The following TAB2 variants were observed in gnomAD, a reference collection of about 807,000 sequenced individuals.
The protein encoded by TAB2 is TGF-beta activated kinase 1 (MAP3K7) binding protein 2, also known as TGF-beta-activated kinase 1 and MAP3K7-binding protein 2.
A neutral mutation model predicts 65.0 loss-of-function variants in TAB2; 3 were observed. The observed-to-expected ratio is 0.05, with a 90% CI of 0.02 to 0.12. TAB2 has a LOEUF of 0.12. TAB2 is among the 10% of genes least tolerant of loss of function. The pLI is 1.00. For missense variants in TAB2, 623 were observed against 840.3 expected (o/e 0.74, Z 3.20); for synonymous variants, 298 against 285.1 (o/e 1.05, Z -0.46).
In TAB2 at chr6:149,381,750, T is replaced by G. The variant is rs1269618854; in HGVS notation, c.1603+2232T>G. On this transcript the variant is annotated intron_variant, in intron 3 of 6. Transcript: ENST00000637181. ...ACCACATCCAGCTAACTTTTTGTAT[T>G]TTTTTGCAGACAGGGTCTCCCTATG... 7.9e-5 allele frequency among the ~76,000 whole-genome samples: 12 copies of G among 151,852 alleles called. No homozygotes were observed. The South Asian group carries it at 2.5e-3, about 32-fold the overall frequency.
intron 3 of TAB2, among the ~76,000 whole-genome samples, chr6:149,380,596 T>G (rs1044643294): frequency 5.3e-5 from 8 of 152,170 alleles, no homozygotes; most frequent in Non-Finnish European, 7.4e-5. Flanking sequence ...ATAAATACAT[T>G]TAGATAAGAA....
chr6:149,400,640 A>G, intron 6 of TAB2: 1 of 1,614,204 alleles, frequency 6.2e-7, no homozygotes, highest in Non-Finnish European at 8.5e-7. Flanking sequence ...ATGAAGATAC[A>G]ATTGATGTGT....
At chr6:149,238,224 C>G (rs1777535697) in intron 1 of TAB2, among the ~76,000 whole-genome samples, 1 of 152,184 alleles carries the variant, frequency 6.6e-6, no homozygotes, top group Non-Finnish European at 1.5e-5. Context: ...AACTAAGAAC[C>G]AGGAAACTCC....
Position 149,323,319 on chromosome 6 carries a change from C to T in TAB2, c.-90+5304C>T, listed in dbSNP as rs560363515. On this transcript the variant is annotated intron_variant, in intron 1 of 6. Transcript: ENST00000637181. ...TGTAGCTAGATTAGTCTTCATTAAC[C>T]TATTTCTATGATGTTATTGGCATCA... 1.5e-4 allele frequency among the ~76,000 whole-genome samples: 23 copies of T among 152,154 alleles called. No individual in the cohort carries two copies. The East Asian group carries it at 3.3e-3, about 22-fold the overall frequency.
chr6:149,219,001 A>G (rs915674989), intron 1 of TAB2, among the ~76,000 whole-genome samples: 2 of 152,234 alleles, frequency 1.3e-5, no homozygotes, highest in African/African-American at 2.4e-5. Flanking sequence ...AGCTGTGTCC[A>G]GGAAACTTGT....
intron 1 of TAB2, among the ~76,000 whole-genome samples, chr6:149,292,285 C>T (rs530208762): frequency 6.6e-6 from 1 of 152,270 alleles, no homozygotes; most frequent in Admixed American, 6.5e-5. Flanking sequence ...AAAACTGACT[C>T]CCCTCATTTT....
intron 3 of TAB2, among the ~76,000 whole-genome samples, chr6:149,388,151 A>G (rs1464885862): frequency 2.0e-5 from 3 of 152,204 alleles, no homozygotes; most frequent in African/African-American, 2.4e-5. Flanking sequence ...TCTAGCTCAC[A>G]TTTCCTGTCC....
intron 3 of TAB2, among the ~76,000 whole-genome samples, chr6:149,381,527 A>G (rs1241577660): frequency 6.6e-6 from 1 of 151,840 alleles, no homozygotes; most frequent in Non-Finnish European, 1.5e-5. Flanking sequence ...ATGTGAAAAT[A>G]AAGTGTTTCT....
intron 6 of TAB2, among the ~76,000 whole-genome samples, chr6:149,402,040 CA>C (rs1425568733): frequency 7.1e-6 from 1 of 141,630 alleles, no homozygotes; most frequent in Admixed American, 7.2e-5. Context: ...CTCAGGGAAC[CA>C]GTAGAAGAAC....
intron 1 of TAB2, chr6:149,244,886 A>C (rs1181046797): frequency 1.3e-5 from 2 of 152,126 alleles, no homozygotes; most frequent in African/African-American, 2.4e-5. Context: ...TCATCTCAAA[A>C]AAAAAAAAAC....
At chr6:149,228,207 C>A (rs538845183) in intron 1 of TAB2, among the ~76,000 whole-genome samples, 3 of 152,092 alleles carry the variant, frequency 2.0e-5, no homozygotes, top group Admixed American at 6.5e-5. Flanking sequence ...CCATTTCTCC[C>A]GCATTTACAA....
intron 3 of TAB2, among the ~76,000 whole-genome samples, chr6:149,389,907 C>T (rs954148721): frequency 6.6e-6 from 1 of 152,188 alleles, no homozygotes; most frequent in Non-Finnish European, 1.5e-5. Flanking sequence ...TAAAATTCAT[C>T]TCTTAGTAGG....
At chr6:149,305,162 G>A (rs1187527548) in intron 1 of TAB2, among the ~76,000 whole-genome samples, 4 of 152,076 alleles carry the variant, frequency 2.6e-5, no homozygotes, top group Admixed American at 2.0e-4. Flanking sequence ...ACTGTACTGC[G>A]GTCTTTCCAA....
intron 1 of TAB2, among the ~76,000 whole-genome samples, chr6:149,312,322 T>A (rs1330113480): frequency 6.6e-6 from 1 of 152,194 alleles, no homozygotes; most frequent in Non-Finnish European, 1.5e-5. Context: ...TCACATCACA[T>A]CAGTTGATAT....
chr6:149,381,633 G>C (rs992090550), intron 3 of TAB2, among the ~76,000 whole-genome samples: 3 of 145,976 alleles, frequency 2.1e-5, no homozygotes, highest in African/African-American at 7.7e-5. Context: ...GAGTGCAGTG[G>C]CATGTTCACA....
intron 1 of TAB2, chr6:149,247,173 G>A (rs549956039): frequency 6.6e-6 from 1 of 152,400 alleles, no homozygotes; most frequent in Admixed American, 6.5e-5. Context: ...CTCCCTGAGG[G>A]TAGGAACGTC....
At chr6:149,349,352 G>A (rs1780411998) in intron 1 of TAB2, among the ~76,000 whole-genome samples, 1 of 150,870 alleles carries the variant, frequency 6.6e-6, no homozygotes, top group African/African-American at 2.4e-5. Flanking sequence ...CCCAGGAGGC[G>A]GAGGTTGCAA....
At chr6:149,393,284 T>G (rs1782055800) in intron 3 of TAB2, among the ~76,000 whole-genome samples, 1 of 152,214 alleles carries the variant, frequency 6.6e-6, no homozygotes, top group African/African-American at 2.4e-5. Flanking sequence ...GCCTCATAAA[T>G]AAGTTGTAAG....
At chr6:149,310,096 C>T (rs1272959968) in intron 1 of TAB2, among the ~76,000 whole-genome samples, 2 of 151,508 alleles carry the variant, frequency 1.3e-5, no homozygotes, top group East Asian at 1.9e-4. Context: ...ATTTAGGAGG[C>T]GGGAGATGGG....
Sources: gnomAD v4.1 joint callset for allele counts (sites outside exome capture counted in the v4.1 genomes callset) on GRCh38, gnomAD v4.1.1 for gene constraint, MANE v1.5 for transcripts, NCBI Gene and HGNC (gene_info 2026-07-23, HGNC 2026-07-21) for gene names.